The following MAOA variants were observed in gnomAD, a reference collection of about 807,000 sequenced individuals.
MAOA encodes the protein amine oxidase [flavin-containing] A.
A neutral mutation model predicts 42.0 loss-of-function variants in MAOA; 6 were observed. That is an observed-to-expected ratio of 0.14 (90% CI 0.08 to 0.28). The LOEUF is 0.28. Among genes scored for constraint, MAOA ranks in the 10% least tolerant of loss-of-function variants. MAOA has a pLI of 1.00. For synonymous variants in MAOA, 140 were observed against 154.0 expected (o/e 0.91, Z 0.67); for missense variants, 262 against 422.3 (o/e 0.62, Z 3.33).
chrX:43,691,292 G>C (rs2033530492), intron 2 of MAOA, among the ~76,000 whole-genome samples: 1 of 110,119 alleles, frequency 9.1e-6, no homozygotes, highest in Non-Finnish European at 1.9e-5. Context: ...AGAATTCATA[G>C]AGCCCAGGAA....
intron 10 of MAOA, among the ~76,000 whole-genome samples, chrX:43,737,838 C>T (rs964508391): frequency 9.0e-6 from 1 of 111,452 alleles, no homozygotes; most frequent in Admixed American, 9.5e-5. Context: ...TTCATTACAC[C>T]ACACTAAGCT....
At chrX:43,660,704 CTG>C (rs1267483767) in intron 1 of MAOA, among the ~76,000 whole-genome samples, 1 of 111,687 alleles carries the variant, frequency 9.0e-6, no homozygotes, top group Non-Finnish European at 1.9e-5. Context: ...AGCTTGTAAT[CTG>C]TACTTAACAA....
chrX:43,716,531 G>T (rs750841878), intron 5 of MAOA, among the ~76,000 whole-genome samples: 1 of 110,704 alleles, frequency 9.0e-6, no homozygotes, highest in East Asian at 2.9e-4. Flanking sequence ...TTTGGTGAGG[G>T]AGTGGTATCA....
At chrX:43,740,615 A>C in intron 10 of MAOA, 66 bp from the exon 11 acceptor site, 924 of 935,450 alleles carry the variant, frequency 9.9e-4, no homozygotes, top group Non-Finnish European at 1.2e-3. Flanking sequence ...CACTGTATTT[A>C]TTCTATACCC....
chrX:43,700,047 T>A (rs1206020905), intron 3 of MAOA, among the ~76,000 whole-genome samples: 1 of 112,227 alleles, frequency 8.9e-6, no homozygotes, highest in Non-Finnish European at 1.9e-5. Flanking sequence ...AAGTGTGAAG[T>A]CTTTGTAGGG....
intron 5 of MAOA, among the ~76,000 whole-genome samples, chrX:43,727,096 A>T (rs2033843503): frequency 9.0e-6 from 1 of 111,723 alleles, no homozygotes; most frequent in South Asian, 3.7e-4. Context: ...GCTCTCCTGT[A>T]TGAGGTGTCT....
chrX:43,723,038 G>A (rs1051847307), intron 5 of MAOA, among the ~76,000 whole-genome samples: 1 of 111,035 alleles, frequency 9.0e-6, no homozygotes, highest in African/African-American at 3.3e-5. Flanking sequence ...CTGTTCCATT[G>A]GTCTATATAT....
intron 2 of MAOA, among the ~76,000 whole-genome samples, chrX:43,685,788 T>C (rs1569192950): frequency 1.8e-5 from 2 of 111,857 alleles, no homozygotes; most frequent in East Asian, 2.8e-4. Context: ...ATAGAAGTGC[T>C]ACTCTGTGGC....
upstream of MAOA, chrX:43,656,208 C>T (rs1266794015): frequency 3.6e-6 from 2 of 560,197 alleles, no homozygotes; most frequent in Non-Finnish European, 6.0e-6. Flanking sequence ...CCCACAGTGC[C>T]CGGCTCCCCC....
intron 1 of MAOA, among the ~76,000 whole-genome samples, chrX:43,671,412 AGTTTCTTTTGCTGT>A (rs1482825782): frequency 8.9e-6 from 1 of 112,140 alleles, no homozygotes; most frequent in African/African-American, 3.2e-5. Context: ...CTCTGACGGT[AGTTTCTTTTGCTGT>A]GCAGAAGCTC....
At chrX:43,700,649 T>C (rs1219374456) in intron 3 of MAOA, among the ~76,000 whole-genome samples, 1 of 112,145 alleles carries the variant, frequency 8.9e-6, no homozygotes, top group Non-Finnish European at 1.9e-5. Flanking sequence ...ACCACAGATG[T>C]ATTCTATTAT....
intron 5 of MAOA, among the ~76,000 whole-genome samples, chrX:43,724,110 A>G (rs757221256): frequency 8.9e-6 from 1 of 111,810 alleles, no homozygotes; most frequent in Non-Finnish European, 1.9e-5. Context: ...TTTCGCATCA[A>G]TGTTCATCAG....
At chrX:43,696,455 C>T (rs776000804) in intron 3 of MAOA, among the ~76,000 whole-genome samples, 8 of 112,315 alleles carry the variant, frequency 7.1e-5, no homozygotes, top group South Asian at 7.3e-4. Context: ...AGAGGCTAGG[C>T]GCGGTGGCTC....
intron 3 of MAOA, among the ~76,000 whole-genome samples, chrX:43,705,216 G>T (rs1386557133): frequency 8.9e-6 from 1 of 112,221 alleles, no homozygotes. Context: ...TGAAGCTAGT[G>T]TGCTAAAACA....
At chrX:43,689,995 A>G (rs758945490) in intron 2 of MAOA, among the ~76,000 whole-genome samples, 1 of 110,155 alleles carries the variant, frequency 9.1e-6, no homozygotes, top group African/African-American at 3.3e-5. Context: ...CAGAGTATGT[A>G]TGATTTGCCT....
At chrX:43,670,499 A>G (rs1444521171) in intron 1 of MAOA, among the ~76,000 whole-genome samples, 1 of 107,986 alleles carries the variant, frequency 9.3e-6, no homozygotes, top group South Asian at 4.2e-4. Flanking sequence ...CACAATGTGC[A>G]GGTTAGTTAC....
At chrX:43,673,418 G>GTT (rs1192352606) in intron 1 of MAOA, among the ~76,000 whole-genome samples, 1 of 102,936 alleles carries the variant, frequency 9.7e-6, no homozygotes, top group African/African-American at 3.5e-5. Context: ...TTTTTGAAGG[G>GTT]TTTTTTTTTT....
intron 9 of MAOA, among the ~76,000 whole-genome samples, chrX:43,734,132 CT>C (rs745875170): frequency 0.19 from 11,754 of 62,266 alleles, 1,620 homozygotes; most frequent in African/African-American, 0.48. Flanking sequence ...TTTGGGCTTT[CT>C]TTTTTTTTTT....
intron 3 of MAOA, among the ~76,000 whole-genome samples, chrX:43,707,293 T>C (rs1189803062): frequency 9.0e-6 from 1 of 111,460 alleles, no homozygotes; most frequent in Non-Finnish European, 1.9e-5. Context: ...CAAGTGCTAA[T>C]GGGATGGATA....
Sources: gnomAD v4.1 joint callset for allele counts (sites outside exome capture counted in the v4.1 genomes callset) on GRCh38, gnomAD v4.1.1 for gene constraint, MANE v1.5 for transcripts, NCBI Gene and HGNC (gene_info 2026-07-23, HGNC 2026-07-21) for gene names.